The following DYNC1I2 variants were observed in gnomAD, a reference collection of about 807,000 sequenced individuals.
DYNC1I2 encodes the protein cytoplasmic dynein 1 intermediate chain 2.
A neutral mutation model predicts 88.6 loss-of-function variants in DYNC1I2; 53 were observed. That is an observed-to-expected ratio of 0.60 (90% CI 0.48 to 0.75). The LOEUF (loss-of-function observed/expected upper bound fraction) is 0.75, where lower values mean the gene tolerates loss of function less well. Among genes scored for constraint, DYNC1I2 ranks in the 30% least tolerant of loss-of-function variants. The pLI is 0.00. For synonymous variants in DYNC1I2, 198 were observed against 254.6 expected (o/e 0.78, Z 2.12); for missense variants, 458 against 766.6 (o/e 0.60, Z 4.75).
intron 9 of DYNC1I2, 34 bp from the exon 10 acceptor site, chr2:171,726,160 C>T: frequency 6.3e-7 from 1 of 1,586,606 alleles, no homozygotes; most frequent in Non-Finnish European, 8.6e-7. Context: ...AGTTATAACA[C>T]CATCTTTTTG....
At chr2:171,701,282 G>C (rs898640934) in intron 3 of DYNC1I2, among the ~76,000 whole-genome samples, 1 of 152,128 alleles carries the variant, frequency 6.6e-6, no homozygotes, top group Admixed American at 6.5e-5. Flanking sequence ...CAATTCCCCT[G>C]CCTCAGCCAC....
At chr2:171,692,492 C>T (rs1416593630) in intron 2 of DYNC1I2, among the ~76,000 whole-genome samples, 2 of 151,964 alleles carry the variant, frequency 1.3e-5, no homozygotes, top group African/African-American at 4.8e-5. Flanking sequence ...GTAGATAATT[C>T]GAAGTTGACT....
At chr2:171,744,686 AC>A (rs1689666654) in intron 16 of DYNC1I2, among the ~76,000 whole-genome samples, 1 of 152,208 alleles carries the variant, frequency 6.6e-6, no homozygotes, top group Non-Finnish European at 1.5e-5. Flanking sequence ...ACAGAGTGTT[AC>A]TATAAAATGA....
At position 171,692,893 on chromosome 2, in the gene DYNC1I2, T is replaced by G. The variant is rs544300444; in HGVS notation, c.225T>G (p.Ile75Met). 1 of 1,586,532 alleles carries G rather than the reference T, an allele frequency of 6.3e-7. No individual in the cohort carries two copies. Among genetic ancestry groups the G allele is most frequent in the Non-Finnish European group, 8.6e-7 (1 of 1,163,618 alleles). Residue 75 changes from isoleucine (I) to methionine (M), a missense_variant and splice_region_variant, in exon 3 of 18, where the codon ATT becomes ATG. By Grantham distance (10) the Ile-to-Met change is conservative. This residue lies in a region of DYNC1I2 where 55 missense variants were observed against 57.1 expected (regional missense o/e 0.96). Coordinates refer to ENST00000397119, the MANE Select transcript of DYNC1I2 (RefSeq NM_001378.3). ...TGGGGCTAACTCCAGAATCCCCCAT[T>G]GGTAAGGTTAAGAATATATCCATTT... ...QSMGLTPESP[I>M]VFSEYWVPPP...
Position 171,700,873 on chromosome 2 carries a change from C to T in DYNC1I2, c.227-5674C>T, listed in dbSNP as rs1686204930. Among the ~76,000 whole-genome samples the T allele has an allele frequency of 2.0e-5, 3 of 152,098 alleles. No homozygotes were observed. In the South Asian group the frequency reaches 6.2e-4, roughly 31 times the overall value. On this transcript the variant is annotated intron_variant, in intron 3 of 17. Coordinates refer to ENST00000397119, the MANE Select transcript of DYNC1I2 (RefSeq NM_001378.3). ...GTCTCAATCTCCTGACCTCGTGATCCACCCTACTCAGCCTCCCAAAGTGCT... is the reference window on the plus strand; with the variant it reads ...GTCTCAATCTCCTGACCTCGTGATCTACCCTACTCAGCCTCCCAAAGTGCT...
chr2:171,725,999 A>G lies in DYNC1I2; in HGVS notation c.688A>G (p.Thr230Ala), dbSNP rs2105684098. The change falls in exon 9 of 18, where the codon ACA (threonine) becomes GCA (alanine). Residue 230 changes from threonine to alanine, a missense_variant. By Grantham distance (58) the Thr-to-Ala change is moderately conservative (BLOSUM62 0). Transcript: ENST00000397119. ...EEFLSFFDHS[T>A]RIVERALSEQ... ...ATTTTTAAGTTTCTTTGACCATTCT[A>G]CAAGAATTGTAGAAAGAGCTCTTTC... 2 of 1,597,674 alleles carry G rather than the reference A, an allele frequency of 1.3e-6. No individual in the cohort carries two copies. Among genetic ancestry groups the G allele is most frequent in the Non-Finnish European group, 1.7e-6 (2 of 1,175,646 alleles).
At chr2:171,701,757 AT>A (rs1686276968) in intron 3 of DYNC1I2, among the ~76,000 whole-genome samples, 1 of 152,194 alleles carries the variant, frequency 6.6e-6, no homozygotes, top group African/African-American at 2.4e-5. Context: ...AAGGTAGCAT[AT>A]TTTATCTCCA....
Position 171,692,778 on chromosome 2 carries a change from C to G in DYNC1I2, c.110C>G (p.Thr37Arg). Residue 37 changes from threonine to arginine, a missense_variant and splice_region_variant, in exon 3 of 18, where the codon ACA becomes AGA. Physicochemically the swap from Thr to Arg is moderately conservative, Grantham distance 71 (BLOSUM62 -1). Around this residue, in one of 5 missense-constraint regions of DYNC1I2, gnomAD observed 55 missense variants for 57.1 expected, o/e 0.96. Coordinates refer to ENST00000397119, the MANE Select transcript of DYNC1I2 (RefSeq NM_001378.3). ...RKEEERKKKE[T>R]DQKKEAVAPV... ...AAGTTTTTAACCTAAACATTTTAGA[C>G]AGACCAGAAGAAGGAAGCTGTTGCT... 1 of 1,591,558 alleles carries G rather than the reference C, an allele frequency of 6.3e-7. No homozygotes were observed. The highest frequency in any genetic ancestry group is 1.2e-5 in the South Asian group (1 of 86,236).
intron 3 of DYNC1I2, among the ~76,000 whole-genome samples, chr2:171,703,618 C>T (rs907690582): frequency 1.3e-5 from 2 of 151,464 alleles, no homozygotes; most frequent in South Asian, 2.1e-4. Context: ...GAAACTCTTA[C>T]GAGAGATTAG....
At chr2:171,712,585 A>G (rs1280071590) in intron 5 of DYNC1I2, 182 bp from the exon 6 acceptor site, 1 of 557,652 alleles carries the variant, frequency 1.8e-6, no homozygotes, top group Non-Finnish European at 3.2e-6. Flanking sequence ...CATGCACTAG[A>G]TGATTGAGTG....
Position 171,744,195 on chromosome 2 carries a change from C to G in DYNC1I2, c.1677+6C>G. The G allele has an allele frequency of 6.4e-7, 1 of 1,569,170 alleles. No homozygotes were observed. Among genetic ancestry groups the G allele is most frequent in the Non-Finnish European group, 8.6e-7 (1 of 1,164,352 alleles). On this transcript the variant is annotated splice_donor_region_variant and intron_variant, in intron 16 of 17. Coordinates refer to ENST00000397119, the MANE Select transcript of DYNC1I2 (RefSeq NM_001378.3). ...ATCTCAATAATGACACAGAGGTGAG[C>G]AGGAAAATAACAAAAATTGCATTGA...
intron 3 of DYNC1I2, 133 bp from the exon 4 acceptor site, chr2:171,706,414 T>C (rs1686679426): frequency 6.8e-6 from 5 of 732,312 alleles, no homozygotes; most frequent in African/African-American, 1.8e-5. Context: ...GCTGTTGTTA[T>C]ATAATGTTAA....
chr2:171,726,053 A>G lies in DYNC1I2; in HGVS notation c.742A>G (p.Ser248Gly), dbSNP rs1283737575. The G allele has an allele frequency of 6.3e-7, 1 of 1,583,814 alleles. No homozygotes were observed. Among genetic ancestry groups the G allele is most frequent in the African/African-American group, 1.4e-5 (1 of 73,246 alleles). Residue 248 changes from serine to glycine, a missense_variant, in exon 9 of 18, where the codon AGT (serine) becomes GGT (glycine). Coordinates refer to ENST00000397119, the MANE Select transcript of DYNC1I2 (RefSeq NM_001378.3). ...SEQINIFFDY[S>G]GRDLEDKEGE... ...GCAGATTAACATCTTCTTTGACTATAGTGGGAGAGATTTGGAAGACAAAGA... is the reference window on the plus strand; with the variant it reads ...GCAGATTAACATCTTCTTTGACTATGGTGGGAGAGATTTGGAAGACAAAGA...
intron 2 of DYNC1I2, 116 bp from the exon 3 acceptor site, chr2:171,692,661 T>C (rs900931930): frequency 1.5e-6 from 1 of 660,382 alleles, no homozygotes; most frequent in Non-Finnish European, 2.6e-6. Flanking sequence ...TAACCTGTAC[T>C]CAAAACTAAG....
intron 15 of DYNC1I2, among the ~76,000 whole-genome samples, chr2:171,740,600 A>G (rs1285945598): frequency 6.6e-6 from 1 of 152,050 alleles, no homozygotes; most frequent in Non-Finnish European, 1.5e-5. Flanking sequence ...TCCTTTCAAT[A>G]TGTAGTTTCA....
chr2:171,717,809 A>G (rs1226593832), intron 7 of DYNC1I2, among the ~76,000 whole-genome samples: 1 of 152,180 alleles, frequency 6.6e-6, no homozygotes, highest in Non-Finnish European at 1.5e-5. Flanking sequence ...CTTTTTCTTC[A>G]TCTGATAATT....
At chr2:171,697,534 T>C (rs4668409) in intron 3 of DYNC1I2, among the ~76,000 whole-genome samples, 148,695 of 152,146 alleles carry the variant, frequency 0.98, 72,764 homozygotes, top group Middle Eastern at 1. Context: ...TCGAACTGTG[T>C]GTGGTGGTTC....
chr2:171,726,899 T>C lies in DYNC1I2; in HGVS notation c.979T>C (p.Tyr327His). The C allele has an allele frequency of 6.2e-7, 1 of 1,608,906 alleles. No individual in the cohort carries two copies. The highest frequency in any genetic ancestry group is 8.5e-7 in the Non-Finnish European group (1 of 1,177,644). The change falls in exon 11 of 18, where the codon TAT becomes CAT. Residue 327 changes from tyrosine (Y) to histidine (H), a missense_variant. This residue lies in a region of DYNC1I2 where 203 missense variants were observed against 354.2 expected (regional missense o/e 0.57). Transcript: ENST00000397119. ...NMKYKKTTPE[Y>H]VFHCQSAVMS... Reference sequence around the variant, plus strand: ...GAAATACAAAAAAACTACCCCAGAGTATGTGTTTCACTGCCAGGTATGGTG... The same window carrying C: ...GAAATACAAAAAAACTACCCCAGAGCATGTGTTTCACTGCCAGGTATGGTG...
chr2:171,707,140 C>G, intron 4 of DYNC1I2, 147 bp from the exon 5 acceptor site: 1 of 1,151,892 alleles, frequency 8.7e-7, no homozygotes, highest in South Asian at 1.4e-5. Context: ...TTCTGCTGTT[C>G]ATTTTCATTC....
Sources: allele counts gnomAD v4.1 joint callset (sites outside exome capture counted in the v4.1 genomes callset), GRCh38; gene constraint gnomAD v4.1.1; regional missense constraint gnomAD v4.1.1; transcripts MANE v1.5; gene names NCBI Gene and HGNC (gene_info 2026-07-23, HGNC 2026-07-21).